The following RASGRF2 variants were observed in gnomAD, a reference collection of about 807,000 sequenced individuals.
RASGRF2 encodes ras-specific guanine nucleotide-releasing factor 2.
RASGRF2 carries 76 observed loss-of-function variants against 151.0 expected under a neutral mutation model. The observed-to-expected ratio is 0.50, with a 90% CI of 0.42 to 0.61. The LOEUF (loss-of-function observed/expected upper bound fraction) is 0.61, where lower values mean the gene tolerates loss of function less well. Ranked by LOEUF, RASGRF2 falls within the 20% of genes least tolerant of loss-of-function variation. The probability of loss-of-function intolerance (pLI) is 0.00; values close to 1 mark genes in which losing one functional copy is unlikely to be tolerated. For synonymous variants in RASGRF2, 504 were observed against 566.5 expected (o/e 0.89, Z 1.57); for missense variants, 1,148 against 1,564.6 (o/e 0.73, Z 4.49).
intron 18 of RASGRF2, among the ~76,000 whole-genome samples, chr5:81,180,754 T>A (rs1240071794): frequency 6.8e-6 from 1 of 146,492 alleles, no homozygotes; most frequent in East Asian, 2.0e-4. Context: ...AGGGAGTGCT[T>A]TCTGGGCCTG....
chr5:81,152,328 A>G (rs938323708), intron 17 of RASGRF2, among the ~76,000 whole-genome samples: 7 of 152,112 alleles, frequency 4.6e-5, no homozygotes, highest in African/African-American at 1.7e-4. Context: ...AATTCAAATA[A>G]AGATTATGGG....
At chr5:81,219,879 T>G in intron 26 of RASGRF2, 101 bp downstream of exon 26, 1 of 819,634 alleles carries the variant, frequency 1.2e-6, no homozygotes, top group Non-Finnish European at 1.8e-6. Context: ...AAAAGCTAGC[T>G]CATAGAAAAG....
At chr5:81,113,268 A>C in intron 14 of RASGRF2, 1 of 531,140 alleles carries the variant, frequency 1.9e-6, no homozygotes. Context: ...GTGGAGCCTG[A>C]GTTCTGAACG....
chr5:81,050,046 T>C (rs1750962977), intron 2 of RASGRF2, among the ~76,000 whole-genome samples: 1 of 152,160 alleles, frequency 6.6e-6, no homozygotes, highest in South Asian at 2.1e-4. Context: ...ACTCAGTCAC[T>C]CAAACCAGCA....
chr5:81,050,049 A>C (rs1750963125), intron 2 of RASGRF2, among the ~76,000 whole-genome samples: 1 of 152,124 alleles, frequency 6.6e-6, no homozygotes, highest in Admixed American at 6.5e-5. Context: ...CAGTCACTCA[A>C]ACCAGCAGGA....
chr5:81,012,242 T>A (rs1749486633), intron 1 of RASGRF2, among the ~76,000 whole-genome samples: 1 of 152,246 alleles, frequency 6.6e-6, no homozygotes, highest in Non-Finnish European at 1.5e-5. Context: ...CTTATTTACT[T>A]GGGTATGATG....
intron 17 of RASGRF2, among the ~76,000 whole-genome samples, chr5:81,130,343 A>G (rs1753583381): frequency 6.6e-6 from 1 of 152,200 alleles, no homozygotes; most frequent in African/African-American, 2.4e-5. Context: ...AAGGGATTTG[A>G]TTCAACAGTG....
At chr5:81,160,797 G>T (rs78186130) in intron 17 of RASGRF2, among the ~76,000 whole-genome samples, 10,681 of 151,000 alleles carry the variant, frequency 0.071, 589 homozygotes, top group African/African-American at 0.15. Context: ...CTTGAGGCCA[G>T]GTGGTTGAGG....
At chr5:81,100,849 A>C (rs1383837640) in intron 12 of RASGRF2, among the ~76,000 whole-genome samples, 1 of 152,210 alleles carries the variant, frequency 6.6e-6, no homozygotes, top group African/African-American at 2.4e-5. Flanking sequence ...AGGTGAATTA[A>C]AAAAATTGAC....
intron 1 of RASGRF2, among the ~76,000 whole-genome samples, chr5:80,968,316 A>G (rs972987342): frequency 3.3e-5 from 5 of 151,874 alleles, no homozygotes; most frequent in Admixed American, 6.6e-5. Context: ...CAACATCTTC[A>G]TCTTTCTGCC....
intron 1 of RASGRF2, among the ~76,000 whole-genome samples, chr5:80,995,255 CAA>C (rs11369891): frequency 3.4e-5 from 4 of 118,072 alleles, no homozygotes; most frequent in African/African-American, 3.3e-5. Context: ...GACTCCGTCT[CAA>C]AAAAAAAAAA....
At chr5:81,198,129 T>TC (rs1442482939) in intron 18 of RASGRF2, among the ~76,000 whole-genome samples, 2 of 152,044 alleles carry the variant, frequency 1.3e-5, no homozygotes, top group Non-Finnish European at 2.9e-5. Context: ...TTATTTTTTT[T>TC]TTAATTGCAT....
chr5:81,043,119 T>C (rs896814351), intron 2 of RASGRF2, 136 bp downstream of exon 2: 6 of 597,946 alleles, frequency 1.0e-5, no homozygotes, highest in Admixed American at 6.1e-5. Context: ...TAGTCATGTG[T>C]GAGATCATTA....
Position 80,974,725 on chromosome 5 carries a change from C to T in RASGRF2, c.288+13699C>T, listed in dbSNP as rs997085427. ...TCTATCTTCAGATGGGAATTTAGGC[C>T]GGAGAGTCACAAAGTCTTTATGAAT... On this transcript the variant is annotated intron_variant, in intron 1 of 26. Coordinates refer to ENST00000265080, the MANE Select transcript of RASGRF2 (RefSeq NM_006909.3). Among the ~76,000 whole-genome samples the T allele has an allele frequency of 3.3e-5, 5 of 152,138 alleles. No individual in the cohort carries two copies. In the South Asian group the frequency reaches 6.2e-4, roughly 19 times the overall value.
intron 2 of RASGRF2, among the ~76,000 whole-genome samples, chr5:81,060,325 T>C (rs1273143705): frequency 1.3e-5 from 2 of 152,166 alleles, no homozygotes; most frequent in East Asian, 3.9e-4. Flanking sequence ...CTTTTGCACA[T>C]ACTGTTCCCT....
chr5:81,089,562 A>G (rs1220825102), intron 9 of RASGRF2, among the ~76,000 whole-genome samples: 1 of 152,256 alleles, frequency 6.6e-6, no homozygotes, highest in Non-Finnish European at 1.5e-5. Flanking sequence ...GATAGGATAC[A>G]GAAGACTATA....
At chr5:81,116,666 A>G (rs566761498) in intron 15 of RASGRF2, among the ~76,000 whole-genome samples, 1 of 152,322 alleles carries the variant, frequency 6.6e-6, no homozygotes, top group East Asian at 1.9e-4. Context: ...GAAACTCTAT[A>G]ATCATTGAAT....
At chr5:81,023,110 G>T (rs1034649463) in intron 1 of RASGRF2, among the ~76,000 whole-genome samples, 4 of 152,046 alleles carry the variant, frequency 2.6e-5, no homozygotes, top group Non-Finnish European at 4.4e-5. Flanking sequence ...GGGAAGGAAG[G>T]TAACAAGTAC....
chr5:81,086,709 C>T (rs1752237407), intron 8 of RASGRF2, 126 bp from the exon 9 acceptor site: 1 of 739,082 alleles, frequency 1.4e-6, no homozygotes, highest in Non-Finnish European at 2.2e-6. Flanking sequence ...AGCCTATTTC[C>T]CCCAAACCCC....
Sources: allele counts gnomAD v4.1 joint callset (sites outside exome capture counted in the v4.1 genomes callset), GRCh38; gene constraint gnomAD v4.1.1; transcripts MANE v1.5; gene names NCBI Gene and HGNC (gene_info 2026-07-23, HGNC 2026-07-21).